The following ANO4 variants were observed in gnomAD, a reference collection of about 807,000 sequenced individuals.
The protein encoded by ANO4 is anoctamin 4.
Under a neutral mutation model 141.9 loss-of-function variants are expected in ANO4, and 69 were observed. The observed-to-expected ratio is 0.49, with a 90% CI of 0.40 to 0.59. The LOEUF (loss-of-function observed/expected upper bound fraction) is 0.59, where lower values mean the gene tolerates loss of function less well. Ranked by LOEUF, ANO4 falls within the 20% of genes least tolerant of loss-of-function variation. The pLI is 0.00. For synonymous variants in ANO4, 350 were observed against 394.3 expected, an observed-to-expected ratio of 0.89 and a Z score of 1.33; for missense variants, 894 against 1,162.2, an observed-to-expected ratio of 0.77 and a Z score of 3.36.
chr12:100,845,585 T>A (rs1163381250), intron 1 of ANO4, among the ~76,000 whole-genome samples: 1 of 152,210 alleles, frequency 6.6e-6, no homozygotes, highest in African/African-American at 2.4e-5. Flanking sequence ...AGAGTCTTTT[T>A]ATTGTCTATA....
chr12:100,821,538 G>T (rs2036051918), intron 1 of ANO4, among the ~76,000 whole-genome samples: 1 of 97,462 alleles, frequency 1.0e-5, no homozygotes, highest in East Asian at 2.7e-4. Flanking sequence ...GTCAGAGAAA[G>T]AATAGAGATG....
At chr12:100,734,521 C>G (rs895806685) in intron 2 of ANO4, among the ~76,000 whole-genome samples, 1 of 152,192 alleles carries the variant, frequency 6.6e-6, no homozygotes, top group Non-Finnish European at 1.5e-5. Context: ...GCTTATTTTG[C>G]ACTTATTGCC....
chr12:100,745,859 A>T (rs1221032297), intron 3 of ANO4, among the ~76,000 whole-genome samples: 1 of 152,246 alleles, frequency 6.6e-6, no homozygotes, highest in African/African-American at 2.4e-5. Flanking sequence ...CCATATGTAA[A>T]TGTATGGTGA....
At chr12:101,103,279 T>G (rs2136978693) in intron 22 of ANO4, among the ~76,000 whole-genome samples, 1 of 146,786 alleles carries the variant, frequency 6.8e-6, no homozygotes, top group Non-Finnish European at 1.5e-5. Context: ...TAATGCTGGA[T>G]AAAATTGATG....
intron 8 of ANO4, among the ~76,000 whole-genome samples, chr12:100,988,884 AAAAAG>A (rs1298463017): frequency 0.025 from 3,085 of 125,342 alleles, 307 homozygotes; most frequent in African/African-American, 0.079. Context: ...AAAAAAAAAA[AAAAAG>A]AAAGAAAAAC....
At chr12:100,953,128 A>G (rs1017699479) in intron 5 of ANO4, among the ~76,000 whole-genome samples, 3 of 152,230 alleles carry the variant, frequency 2.0e-5, no homozygotes, top group Non-Finnish European at 4.4e-5. Context: ...CATAATCATC[A>G]TTATGTGCCA....
intron 15 of ANO4, among the ~76,000 whole-genome samples, chr12:101,080,906 C>A (rs1202009917): frequency 7.1e-5 from 6 of 84,908 alleles, no homozygotes; most frequent in Admixed American, 5.2e-4. Context: ...TATATACATA[C>A]ACATATACAT....
intron 2 of ANO4, 105 bp downstream of exon 2, chr12:100,901,945 G>A (rs955533086): frequency 5.3e-6 from 6 of 1,139,034 alleles, no homozygotes; most frequent in Non-Finnish European, 5.0e-6. Context: ...AGCTAAGCTT[G>A]CTTTTGTTAG....
intron 1 of ANO4, among the ~76,000 whole-genome samples, chr12:100,851,296 G>A (rs1272663400): frequency 6.6e-6 from 1 of 152,234 alleles, no homozygotes; most frequent in East Asian, 1.9e-4. Flanking sequence ...TAGTGAAGTA[G>A]AGTATTTTAA....
At chr12:101,041,747 T>A (rs1395061203) in intron 11 of ANO4, among the ~76,000 whole-genome samples, 2 of 152,012 alleles carry the variant, frequency 1.3e-5, no homozygotes, top group Admixed American at 1.3e-4. Flanking sequence ...AGGCCATAAG[T>A]TTTACAGTAA....
chr12:100,901,661 T>C lies in ANO4; in HGVS notation c.-125T>C, dbSNP rs989006161. Reference sequence around the variant, plus strand: ...CTCATTCCAGGTTTAAGTTTATCTATTCATGGGGCTGAAAAGCGTTTGCAA... The same window carrying C: ...CTCATTCCAGGTTTAAGTTTATCTACTCATGGGGCTGAAAAGCGTTTGCAA... On this transcript the variant is annotated 5_prime_UTR_variant, in exon 2 of 28. Transcript: ENST00000392977. The C allele has an allele frequency of 1.2e-6, 1 of 848,080 alleles. No individual in the cohort carries two copies. The highest frequency in any genetic ancestry group is 2.1e-6 in the Non-Finnish European group (1 of 481,228). The allele number at this position is 848,080 out of a possible 1,614,324, so 52.5% of individuals were successfully genotyped here. A position where few individuals can be genotyped will look rare whatever the true frequency, so the allele number is the denominator to read the frequency against.
chr12:100,828,032 T>C (rs2036448543), intron 1 of ANO4, among the ~76,000 whole-genome samples: 1 of 152,010 alleles, frequency 6.6e-6, no homozygotes, highest in South Asian at 2.1e-4. Context: ...AACAAGGTTG[T>C]GATACATACT....
intron 17 of ANO4, among the ~76,000 whole-genome samples, chr12:101,089,474 C>A (rs192824399): frequency 2.0e-5 from 3 of 152,186 alleles, no homozygotes; most frequent in Admixed American, 1.3e-4. Flanking sequence ...TTTGACCCCC[C>A]ACCAGGACTC....
chr12:100,943,208 A>C (rs1319042401), intron 5 of ANO4, among the ~76,000 whole-genome samples: 2 of 152,226 alleles, frequency 1.3e-5, no homozygotes, highest in Non-Finnish European at 2.9e-5. Context: ...AATACTGTGC[A>C]CATTTGTAGA....
At chr12:100,804,681 T>C (rs2034897822) in intron 1 of ANO4, among the ~76,000 whole-genome samples, 1 of 152,242 alleles carries the variant, frequency 6.6e-6, no homozygotes, top group Non-Finnish European at 1.5e-5. Flanking sequence ...GTGGTTTTGA[T>C]TTGCATTTAT....
chr12:100,862,271 A>G (rs7973237), intron 1 of ANO4, among the ~76,000 whole-genome samples: 63,291 of 151,950 alleles, frequency 0.42, 13,349 homozygotes, highest in Admixed American at 0.49. Flanking sequence ...TAAAATAACA[A>G]TAAAAAGTGT....
intron 13 of ANO4, among the ~76,000 whole-genome samples, chr12:101,044,486 G>A (rs1226571714): frequency 1.3e-5 from 2 of 152,184 alleles, no homozygotes; most frequent in African/African-American, 2.4e-5. Flanking sequence ...TTGAGTTTGC[G>A]AAGACTTTTC....
At chr12:100,868,481 C>T (rs751812396) in intron 1 of ANO4, among the ~76,000 whole-genome samples, 1 of 152,096 alleles carries the variant, frequency 6.6e-6, no homozygotes, top group Non-Finnish European at 1.5e-5. Flanking sequence ...TTTTGATTAC[C>T]ACTCATCCCT....
At chr12:100,717,462 G>A, upstream of ANO4, 1 of 397,514 alleles carries the variant, frequency 2.5e-6, no homozygotes, top group Non-Finnish European at 4.4e-6. Context: ...CCGTCCAGGG[G>A]CGCAGCGCGC....
Sources: allele counts gnomAD v4.1 joint callset (sites outside exome capture counted in the v4.1 genomes callset), GRCh38; gene constraint gnomAD v4.1.1; transcripts MANE v1.5; gene names NCBI Gene and HGNC (gene_info 2026-07-23, HGNC 2026-07-21).